SETD1B: variants seen among roughly 807,000 people sequenced by gnomAD.
SETD1B encodes the protein histone-lysine N-methyltransferase SETD1B.
In SETD1B, 7 loss-of-function variants were observed where a neutral mutation model predicts 148.0. The observed-to-expected ratio is 0.05, with a 90% CI of 0.03 to 0.09. The LOEUF (loss-of-function observed/expected upper bound fraction) is 0.09, where lower values mean the gene tolerates loss of function less well. Ranked by LOEUF, SETD1B falls within the 10% of genes least tolerant of loss-of-function variation. SETD1B has a pLI of 1.00. For synonymous variants in SETD1B, 1,361 were observed against 1,186.5 expected, an observed-to-expected ratio of 1.15 and a Z score of -3.02; for missense variants, 2,155 against 2,729.9, an observed-to-expected ratio of 0.79 and a Z score of 4.69.
chr12:121,816,961 G>T, intron 7 of SETD1B, 72 bp from the exon 8 acceptor site: 1 of 1,372,904 alleles, frequency 7.3e-7, no homozygotes. Context: ...AAGGCAGGTA[G>T]CCTGGGGAGG....
In SETD1B at chr12:121,823,138, G is replaced by A; in HGVS notation, c.4559G>A (p.Gly1520Asp). 6.5e-7 allele frequency: 1 copy of A among 1,537,998 alleles called. No individual in the cohort carries two copies. Residue 1520 changes from glycine (G) to aspartate (D), a missense_variant, in exon 12 of 17, where the codon GGC becomes GAC. Physicochemically the swap from Gly to Asp is moderately conservative, Grantham distance 94. Coordinates refer to ENST00000604567, the MANE Select transcript of SETD1B (RefSeq NM_001353345.2). ...CCTCCCCCAATGAAGAGGAAGCCGG[G>A]CCGGCCCCGGCGATCCCCACCATCT... is the stretch of plus-strand genomic sequence containing the variant. ...SCPPPMKRKP[G>D]RPRRSPPSML... is the part of the protein sequence containing the mutation.
At position 121,822,922 on chromosome 12, in the gene SETD1B, G is replaced by A. The variant is rs1876637002; in HGVS notation, c.4343G>A (p.Cys1448Tyr). Reference sequence around the variant, plus strand: ...AGCGGGCCCTTGCTCCTGCCCGTCTGCCCACTCCCCACTGGCCGACGCGAT... The same window carrying A: ...AGCGGGCCCTTGCTCCTGCCCGTCTACCCACTCCCCACTGGCCGACGCGAT... ...EPSGPLLLPV[C>Y]PLPTGRRDER... Residue 1448 changes from cysteine (C) to tyrosine (Y), a missense_variant, in exon 12 of 17, where the codon TGC becomes TAC. Physicochemically the swap from Cys to Tyr is radical, Grantham distance 194. This residue lies in a region of SETD1B where 862 missense variants were observed against 873.8 expected (regional missense o/e 0.99). Coordinates refer to ENST00000604567, the MANE Select transcript of SETD1B (RefSeq NM_001353345.2). 5 of 1,520,660 alleles carry A rather than the reference G, an allele frequency of 3.3e-6. No individual in the cohort carries two copies. Among genetic ancestry groups the A allele is most frequent in the Non-Finnish European group, 3.5e-6 (4 of 1,130,902 alleles). 94.2% of individuals were successfully genotyped at this position (1,520,660 alleles called of 1,614,324 possible). A position where few individuals can be genotyped will look rare whatever the true frequency, so the allele number is the denominator to read the frequency against.
Position 121,817,889 on chromosome 12 carries a change from G to A in SETD1B, c.3403G>A (p.Gly1135Arg), listed in dbSNP as rs1475195100. The change falls in exon 10 of 17, where the codon GGG (glycine) becomes AGG (arginine). Residue 1135 changes from glycine (G) to arginine (R), a missense_variant. Physicochemically the swap from Gly to Arg is moderately radical, Grantham distance 125. Transcript: ENST00000604567. This position sits in a 1 kb window ranked among gnomAD's most constrained non-coding sequence, Gnocchi z 8.1. Reference protein sequence around the residue: ...ALSEASEKDEGDSDEEETVSI... With the variant: ...ALSEASEKDERDSDEEETVSI... ...GTCAGAGGCGAGTGAGAAGGACGAA[G>A]GGGACTCGGATGAAGGTGAGCAGGG... 13 of 1,549,312 alleles carry A rather than the reference G, an allele frequency of 8.4e-6. No individual in the cohort carries two copies. In the East Asian group the frequency reaches 2.7e-4, roughly 32 times the overall value.
chr12:121,801,879 C>T (rs905724824), upstream of SETD1B: 2 of 152,162 alleles, frequency 1.3e-5, no homozygotes, highest in Non-Finnish European at 2.9e-5. Context: ...AAACAAAAGG[C>T]ACAAGACGCA....
At position 121,825,248 on chromosome 12, in the gene SETD1B, G is replaced by A. The variant is rs545026030; in HGVS notation, c.5219G>A (p.Arg1740His). The A allele has an allele frequency of 1.5e-5, 24 of 1,551,692 alleles. 1 individual carries two copies. In the Middle Eastern group the frequency reaches 5.0e-4, roughly 32 times the overall value. Residue 1740 changes from arginine (R) to histidine (H), a missense_variant, in exon 13 of 17, where the codon CGC (arginine) becomes CAC (histidine). By Grantham distance (29) the Arg-to-His change is conservative. This residue lies in a region of SETD1B where 96 missense variants were observed against 148.7 expected (regional missense o/e 0.65). Transcript: ENST00000604567. ...AAGAAGAAACGGGACGATGGCATCCGCGAGCACGTGACGGGCTGTGCCCGC... is the reference window on the plus strand; with the variant it reads ...AAGAAGAAACGGGACGATGGCATCCACGAGCACGTGACGGGCTGTGCCCGC... The part of the protein sequence containing the change: ...AKKKKRDDGI[R>H]EHVTGCARSE...
chr12:121,828,540 A>G (rs895597713), intron 16 of SETD1B, among the ~76,000 whole-genome samples: 2 of 152,108 alleles, frequency 1.3e-5, no homozygotes, highest in African/African-American at 4.8e-5. Context: ...CTGAGTTTTA[A>G]ATTTTATTTC....
chr12:121,793,769 T>A, the SETD1B span: 1 of 734,380 alleles, frequency 1.4e-6, no homozygotes, highest in Non-Finnish European at 2.0e-6. Flanking sequence ...CCGGCCGACC[T>A]CCCAGCCTCA....
rs569068455 is a variant in SETD1B, at chr12:121,808,820, C to G, written c.657+500C>G. On this transcript the variant is annotated intron_variant, in intron 5 of 16. Transcript: ENST00000604567. This position sits in a 1 kb window ranked among gnomAD's most constrained non-coding sequence, Gnocchi z 5.3. ...TGGGGCGAGTCTCATGCCAGCTCCTCCCTGGCATCAGGCTGACTAGCTGCC... is the reference window on the plus strand; with the variant it reads ...TGGGGCGAGTCTCATGCCAGCTCCTGCCTGGCATCAGGCTGACTAGCTGCC... Among the ~76,000 whole-genome samples the G allele has an allele frequency of 2.6e-5, 4 of 152,344 alleles. No individual in the cohort carries two copies. The highest frequency in any genetic ancestry group is 9.6e-5 in the African/African-American group (4 of 41,580).
intron 5 of SETD1B, among the ~76,000 whole-genome samples, chr12:121,809,180 T>G (rs932616685): frequency 1.3e-5 from 2 of 152,184 alleles, no homozygotes; most frequent in African/African-American, 4.8e-5. Context: ...GGCCTCTGTT[T>G]ATCACTTTAA....
rs1877117713 is a variant in SETD1B at position 121,831,961 on chromosome 12, C to G, written c.*1722C>G. On this transcript the variant is annotated 3_prime_UTR_variant, in exon 17 of 17. Coordinates refer to ENST00000604567, the MANE Select transcript of SETD1B (RefSeq NM_001353345.2). ...AGACTGTGCCCGCCGGTTTCAAGAT[C>G]AAGGAAATTGGTGGCAACAAGACAC... 2 of 151,936 alleles carry G rather than the reference C, an allele frequency of 1.3e-5. No homozygotes were observed. The highest frequency in any genetic ancestry group is 4.8e-5 in the African/African-American group (2 of 41,380). 9.4% of individuals were successfully genotyped at this position (151,936 alleles called of 1,614,324 possible). A position where few individuals can be genotyped will look rare whatever the true frequency, so the allele number is the denominator to read the frequency against.
chr12:121,801,126 C>T (rs1875336525), upstream of SETD1B: 2 of 152,212 alleles, frequency 1.3e-5, no homozygotes, highest in Admixed American at 1.3e-4. Context: ...TTTTGTCCTC[C>T]TTCGCGTTGC....
Position 121,827,661 on chromosome 12 carries a change from G to T in SETD1B, c.5469+11G>T. The T allele has an allele frequency of 6.4e-7, 1 of 1,551,606 alleles. No individual in the cohort carries two copies. The highest frequency in any genetic ancestry group is 8.7e-7 in the Non-Finnish European group (1 of 1,146,902). On this transcript the variant is annotated intron_variant, in intron 14 of 16. Transcript: ENST00000604567. ...TTCAACCAGCTCAAGGTGAGGCCGG[G>T]CTTCACCCAGATCGCCGGGGTGGCG...
chr12:121,804,941 G>C lies in SETD1B; in HGVS notation c.174+30G>C. On this transcript the variant is annotated intron_variant, in intron 2 of 16. Coordinates refer to ENST00000604567, the MANE Select transcript of SETD1B (RefSeq NM_001353345.2). This position sits in a 1 kb window ranked among gnomAD's most constrained non-coding sequence, Gnocchi z 4.6. ...GTAGCCGGCGCGCCCCCCCAGCCGT[G>C]CCCCGCGTCGTGTCCGGGGAGACGC... is the stretch of plus-strand genomic sequence containing the variant. 6.8e-7 allele frequency: 1 copy of C among 1,479,246 alleles called. No individual in the cohort carries two copies. 91.6% of individuals were successfully genotyped at this position (1,479,246 alleles called of 1,614,324 possible).
Position 121,804,104 on chromosome 12 carries a change from T to G in SETD1B, c.-144T>G, listed in dbSNP as rs932608877. 6.6e-6 allele frequency: 1 copy of G among 151,228 alleles called. No homozygotes were observed. The highest frequency in any genetic ancestry group is 2.5e-5 in the African/African-American group (1 of 40,634). 9.4% of individuals were successfully genotyped at this position (151,228 alleles called of 1,614,324 possible). On this transcript the variant is annotated 5_prime_UTR_variant, in exon 1 of 17. Transcript: ENST00000604567. The surrounding 1 kb of genome is among the most constrained non-coding windows in gnomAD (Gnocchi z 4.6). ...CAGCGGCGGCGGCAGCGGCAGCAGC[T>G]CCGGGCCCGGCAGCCGCGGCGGCGG...
intron 10 of SETD1B, 66 bp from the exon 11 acceptor site, chr12:121,819,337 AG>A: frequency 6.5e-7 from 1 of 1,540,516 alleles, no homozygotes; most frequent in Non-Finnish European, 8.7e-7. Context: ...GCCATTGGTG[AG>A]GGGTCTGGTG....
Position 121,810,582 on chromosome 12 carries a change from T to C in SETD1B, c.1637T>C (p.Phe546Ser). The change falls in exon 6 of 17, where the codon TTT (phenylalanine) becomes TCT (serine). Residue 546 changes from phenylalanine to serine, a missense_variant. By Grantham distance (155) the Phe-to-Ser change is radical. Around this residue, in one of 11 missense-constraint regions of SETD1B, gnomAD observed 295 missense variants for 303.8 expected, o/e 0.97. Transcript: ENST00000604567. The surrounding 1 kb of genome is among the most constrained non-coding windows in gnomAD (Gnocchi z 7.6). Reference sequence around the variant, plus strand: ...TCCCAGCTCTCCCCACTGGCCCCCTTTGGCACCAACTCCCAGCCAGGCTTC... The same window carrying C: ...TCCCAGCTCTCCCCACTGGCCCCCTCTGGCACCAACTCCCAGCCAGGCTTC... ...SSSQLSPLAP[F>S]GTNSQPGFRG... The C allele has an allele frequency of 6.5e-7, 1 of 1,548,316 alleles. No individual in the cohort carries two copies. Among genetic ancestry groups the C allele is most frequent in the Non-Finnish European group, 8.7e-7 (1 of 1,146,872 alleles).
upstream of SETD1B, chr12:121,801,049 C>T (rs1393458068): frequency 3.3e-5 from 5 of 152,200 alleles, no homozygotes; most frequent in Non-Finnish European, 2.9e-5. Flanking sequence ...CGAGCGCGGC[C>T]GGGAGGACAG....
Position 121,808,100 on chromosome 12 carries a change from G to A in SETD1B, c.545-108G>A. On this transcript the variant is annotated intron_variant, in intron 4 of 16. Transcript: ENST00000604567. The surrounding 1 kb of genome is among the most constrained non-coding windows in gnomAD (Gnocchi z 5.3). ...GGCCACACAGCCTCCCTAGGACTGG[G>A]GTCTCGGGCACAAGGGACCCACCAG... The A allele has an allele frequency of 1.3e-6, 1 of 754,792 alleles. No individual in the cohort carries two copies. The highest frequency in any genetic ancestry group is 2.2e-6 in the Non-Finnish European group (1 of 450,326). The allele number at this position is 754,792 out of a possible 1,614,324, so 46.8% of individuals were successfully genotyped here. A position where few individuals can be genotyped will look rare whatever the true frequency, so the allele number is the denominator to read the frequency against.
chr12:121,820,211 A>G (rs1046090746), intron 11 of SETD1B, among the ~76,000 whole-genome samples: 8 of 152,254 alleles, frequency 5.3e-5, no homozygotes, highest in African/African-American at 1.9e-4. Flanking sequence ...ATGGGTGTCC[A>G]TGGTCACTTG....
Sources: allele counts gnomAD v4.1 joint callset (sites outside exome capture counted in the v4.1 genomes callset), GRCh38; gene constraint gnomAD v4.1.1; regional missense constraint gnomAD v4.1.1; non-coding constraint Gnocchi (gnomAD v3.1); transcripts MANE v1.5; gene names NCBI Gene and HGNC (gene_info 2026-07-23, HGNC 2026-07-21).